CYP3A7: variants seen among roughly 807,000 people sequenced by gnomAD.
CYP3A7 encodes cytochrome P450 family 3 subfamily A member 7.
In CYP3A7, 45 loss-of-function variants were observed where a neutral mutation model predicts 55.2. That is an observed-to-expected ratio of 0.82 (90% confidence interval 0.64 to 1.05). The LOEUF (loss-of-function observed/expected upper bound fraction) is 1.05, where lower values mean the gene tolerates loss of function less well. CYP3A7 is among the 50% of genes least tolerant of loss of function. CYP3A7 has a pLI of 0.00. For synonymous variants in CYP3A7, 180 were observed against 207.4 expected, an observed-to-expected ratio of 0.87 and a Z score of 1.13; for missense variants, 548 against 605.3, an observed-to-expected ratio of 0.91 and a Z score of 0.99.
intron 5 of CYP3A7, 50 bp downstream of exon 5, chr7:99,717,476 A>G: frequency 1.2e-6 from 2 of 1,608,164 alleles, no homozygotes; most frequent in South Asian, 2.2e-5. Context: ...ACCTGTCCCC[A>G]CCTGATTCAT....
rs182388567 is a variant in CYP3A7 at position 99,722,346 on chromosome 7, G to C, written c.168C>G (p.Gly56=). Residue 56 remains glycine (G), a splice_region_variant and synonymous_variant, in exon 3 of 13, where the codon GGC becomes GGG. Coordinates refer to ENST00000336374, the MANE Select transcript of CYP3A7 (RefSeq NM_000765.5). The stretch of plus-strand genomic sequence containing the variant: ...AACATTCCATGTCAAACGTCCAATA[G>C]CCCTGGGAGGAGAAACAAAATAATA... ...FLGNALSFRK[G]YWTFDMECYK... 3 of 1,613,446 alleles carry C rather than the reference G, an allele frequency of 1.9e-6. No homozygotes were observed. In the Admixed American group the frequency reaches 5.0e-5, roughly 27 times the overall value.
At chr7:99,708,039 G>A in intron 11 of CYP3A7, 65 bp from the exon 12 acceptor site, 1 of 1,611,466 alleles carries the variant, frequency 6.2e-7, no homozygotes, top group Admixed American at 1.7e-5. Context: ...TTACATGTTA[G>A]GGTTTCTTAC....
At chr7:99,718,237 C>A (rs190710538) in intron 4 of CYP3A7, among the ~76,000 whole-genome samples, 1 of 151,968 alleles carries the variant, frequency 6.6e-6, no homozygotes, top group Non-Finnish European at 1.5e-5. Flanking sequence ...CAAACCTGCA[C>A]GTTGTGCACA....
chr7:99,708,545 T>G (rs755904258), intron 11 of CYP3A7, among the ~76,000 whole-genome samples: 10 of 152,162 alleles, frequency 6.6e-5, no homozygotes, highest in Admixed American at 1.3e-4. Context: ...TAGAATAGTT[T>G]AAGTCAGATA....
At chr7:99,715,403 A>G (rs1036082689) in intron 7 of CYP3A7, 2 of 290,060 alleles carry the variant, frequency 6.9e-6, no homozygotes, top group Non-Finnish European at 1.3e-5. Flanking sequence ...GAAAGAAAAT[A>G]ATACAGACTA....
chr7:99,723,144 GT>G lies in CYP3A7; in HGVS notation c.166-797del, dbSNP rs1160334712. On this transcript the variant is annotated intron_variant, in intron 2 of 12. Coordinates refer to ENST00000336374, the MANE Select transcript of CYP3A7 (RefSeq NM_000765.5). ...ACTAAAGATTTGACATGGGAAAGTG[GT>G]GGGTTTCAGGCCTCTTAGCCCAAGC... 3.3e-5 allele frequency among the ~76,000 whole-genome samples: 5 copies of G among 152,124 alleles called. No individual in the cohort carries two copies. In the East Asian group the frequency reaches 9.6e-4, roughly 29 times the overall value.
At chr7:99,725,114 G>A (rs1487551157) in intron 2 of CYP3A7, among the ~76,000 whole-genome samples, 1 of 152,106 alleles carries the variant, frequency 6.6e-6, no homozygotes, top group Admixed American at 6.6e-5. Flanking sequence ...CAAAAAAGCA[G>A]CATACAAGGC....
chr7:99,730,643 C>A, intron 2 of CYP3A7: 1 of 195,080 alleles, frequency 5.1e-6, no homozygotes, highest in East Asian at 1.2e-4. Context: ...TTCATGAGCT[C>A]TTGCTACAGA....
At chr7:99,726,317 A>G (rs559312319) in intron 2 of CYP3A7, among the ~76,000 whole-genome samples, 2 of 152,316 alleles carry the variant, frequency 1.3e-5, no homozygotes, top group Admixed American at 1.3e-4. Context: ...CTGCTACAGC[A>G]TGGGCTTCTA....
At chr7:99,731,316 G>T (rs1256346711) in intron 1 of CYP3A7, among the ~76,000 whole-genome samples, 164 bp from the exon 2 acceptor site, 16 of 152,162 alleles carry the variant, frequency 1.1e-4, no homozygotes, top group Admixed American at 9.8e-4. Context: ...TTGTTCATCA[G>T]GTCCTTTCAT....
At position 99,710,789 on chromosome 7, in the gene CYP3A7, A is replaced by T. The variant is rs1356409225; in HGVS notation, c.969T>A (p.Thr323=). 3 of 1,613,910 alleles carry T rather than the reference A, an allele frequency of 1.9e-6. No individual in the cohort carries two copies. The highest frequency in any genetic ancestry group is 1.7e-6 in the Non-Finnish European group (2 of 1,179,898). ...VLSFIIYELA[T]HPDVQQKVQK... The stretch of plus-strand genomic sequence containing the variant: ...GCACTTTCTGCTGGACATCAGGGTG[A>T]GTGGCCAGTTCATATATAATGAAGG... Residue 323 remains threonine (T), a synonymous_variant, in exon 10 of 13, where the codon ACT becomes ACA. Transcript: ENST00000336374.
intron 6 of CYP3A7, among the ~76,000 whole-genome samples, chr7:99,716,709 G>A (rs910208512): frequency 6.6e-6 from 1 of 151,844 alleles, no homozygotes; most frequent in Non-Finnish European, 1.5e-5. Context: ...AGAAATGGTG[G>A]GAATGTTTAA....
chr7:99,722,454 G>A (rs1584518087), intron 2 of CYP3A7, 106 bp from the exon 3 acceptor site: 1 of 1,380,050 alleles, frequency 7.2e-7, no homozygotes. Context: ...AGACTTGCTG[G>A]CAGTTAGAGG....
Position 99,735,042 on chromosome 7 carries a change from T to A in CYP3A7, c.52A>T (p.Ser18Cys). Residue 18 changes from serine (S) to cysteine (C), a missense_variant, in exon 1 of 13, where the codon AGC becomes TGC. By Grantham distance (112) the Ser-to-Cys change is moderately radical. Coordinates refer to ENST00000336374, the MANE Select transcript of CYP3A7 (RefSeq NM_000765.5). ...AVETWLLLAVSLILLYLYGTR... is the reference protein window; with the variant it reads ...AVETWLLLAVCLILLYLYGTR... ...ACTCACAGATAGAGGAGTATCAGGC[T>A]GACAGCCAGGAGAAGCCAGGTTTCC... is the stretch of plus-strand genomic sequence containing the variant. 6.2e-7 allele frequency: 1 copy of A among 1,614,132 alleles called. No individual in the cohort carries two copies. Among genetic ancestry groups the A allele is most frequent in the Non-Finnish European group, 8.5e-7 (1 of 1,179,980 alleles).
intron 2 of CYP3A7, among the ~76,000 whole-genome samples, chr7:99,726,762 T>C (rs1382420657): frequency 6.6e-6 from 1 of 152,206 alleles, no homozygotes; most frequent in Non-Finnish European, 1.5e-5. Context: ...CTTTGAGTCT[T>C]TTCAACAAGA....
At chr7:99,718,300 C>T (rs1814052370) in intron 4 of CYP3A7, among the ~76,000 whole-genome samples, 1 of 152,122 alleles carries the variant, frequency 6.6e-6, no homozygotes, top group Admixed American at 6.5e-5. Context: ...TTAAAACTCA[C>T]AACGTATTTT....
rs1177242838 is a variant in CYP3A7, at chr7:99,710,816, G to C, written c.942C>G (p.Leu314=). ...FAGYETTSSV[L]SFIIYELATH... is the part of the protein sequence containing the mutation. ...TGGCCAGTTCATATATAATGAAGGA[G>C]AGAACACTGCTCGTGGTTTCATAGC... The change falls in exon 10 of 13, where the codon CTC becomes CTG. Residue 314 remains leucine, a synonymous_variant. Transcript: ENST00000336374. The C allele has an allele frequency of 6.2e-7, 1 of 1,613,896 alleles. No individual in the cohort carries two copies. The highest frequency in any genetic ancestry group is 1.1e-5 in the South Asian group (1 of 91,080).
rs1337190499 is a variant in CYP3A7, at chr7:99,707,948, A to G, written c.1280T>C (p.Ile427Thr). ...ERFSKKNKDN[I>T]DPYIYTPFGS... Reference sequence around the variant, plus strand: ...AAAGGGTGTGTATATGTAAGGATCTATGTTGTCCTTGTTCTTTTTACTGAA... The same window carrying G: ...AAAGGGTGTGTATATGTAAGGATCTGTGTTGTCCTTGTTCTTTTTACTGAA... Residue 427 changes from isoleucine to threonine, a missense_variant, in exon 12 of 13, where the codon ATA (isoleucine) becomes ACA (threonine). By Grantham distance (89) the Ile-to-Thr change is moderately conservative. Transcript: ENST00000336374. 2 of 1,613,802 alleles carry G rather than the reference A, an allele frequency of 1.2e-6. No homozygotes were observed. Among genetic ancestry groups the G allele is most frequent in the African/African-American group, 1.3e-5 (1 of 74,898 alleles).
At chr7:99,722,171 CTGTT>C in intron 3 of CYP3A7, 121 bp downstream of exon 3, 10 of 1,195,146 alleles carry the variant, frequency 8.4e-6, no homozygotes, top group Non-Finnish European at 1.1e-5. Context: ...GAAAACCTCT[CTGTT>C]TGTAGTTAGG....
Sources: allele counts gnomAD v4.1 joint callset (sites outside exome capture counted in the v4.1 genomes callset), GRCh38; gene constraint gnomAD v4.1.1; transcripts MANE v1.5; gene names NCBI Gene and HGNC (gene_info 2026-07-23, HGNC 2026-07-21).